PATJ: variants seen among roughly 807,000 people sequenced by gnomAD.
PATJ encodes inaD-like protein.
A neutral mutation model predicts 224.9 loss-of-function variants in PATJ; 190 were observed. That is an observed-to-expected ratio of 0.84 (90% CI 0.75 to 0.95). The LOEUF is 0.95. Among genes scored for constraint, PATJ ranks in the 40% least tolerant of loss-of-function variants. The pLI, the probability that PATJ is intolerant of heterozygous loss-of-function variation, is 0.00. For synonymous variants in PATJ, 769 were observed against 820.3 expected, an observed-to-expected ratio of 0.94 and a Z score of 1.07; for missense variants, 2,121 against 2,270.3, an observed-to-expected ratio of 0.93 and a Z score of 1.34.
chr1:61,743,966 T>C (rs748795463), intron 1 of PATJ, among the ~76,000 whole-genome samples: 11 of 152,164 alleles, frequency 7.2e-5, no homozygotes, highest in Non-Finnish European at 1.2e-4. Context: ...TTTTGCAGAC[T>C]GAAAGCCAGA....
At chr1:62,073,713 G>A (rs1331596238) in intron 31 of PATJ, among the ~76,000 whole-genome samples, 1 of 152,064 alleles carries the variant, frequency 6.6e-6, no homozygotes, top group East Asian at 1.9e-4. Context: ...TATCTAGCCA[G>A]GCACAGTGGT....
chr1:61,999,147 A>G (rs1306891870), intron 28 of PATJ, among the ~76,000 whole-genome samples: 1 of 152,096 alleles, frequency 6.6e-6, no homozygotes, highest in Non-Finnish European at 1.5e-5. Context: ...TTATGGAAGG[A>G]GTAATTTTCA....
rs956820439 is a variant in PATJ, at chr1:61,818,888, A to G, written c.1684-4057A>G. On this transcript the variant is annotated intron_variant, in intron 14 of 43. Coordinates refer to ENST00000642238, the MANE Select transcript of PATJ (RefSeq NM_001350145.3). Reference sequence around the variant, plus strand: ...CATATGAATAGATGCGGATTGGGAGAGGATTGGAACCAGTTCTTGCCTTAA... The same window carrying G: ...CATATGAATAGATGCGGATTGGGAGGGGATTGGAACCAGTTCTTGCCTTAA... 2.6e-5 allele frequency among the ~76,000 whole-genome samples: 4 copies of G among 152,044 alleles called. 1 individual carries two copies. The highest frequency in any genetic ancestry group is 2.0e-4 in the Admixed American group (3 of 15,264).
At chr1:61,869,097 A>ATTTTTTTTTTTTTTTTTTTTTT in intron 20 of PATJ, among the ~76,000 whole-genome samples, 1 of 125,514 alleles carries the variant, frequency 8.0e-6, no homozygotes, top group Non-Finnish European at 1.6e-5. Flanking sequence ...TGGAAATAAC[A>ATTTTTTTTTTTTTTTTTTTTTT]TTTTTTTTTT....
intron 41 of PATJ, among the ~76,000 whole-genome samples, chr1:62,133,745 CTTTTT>C (rs113938436): frequency 8.3e-6 from 1 of 121,194 alleles, no homozygotes; most frequent in African/African-American, 3.0e-5. Flanking sequence ...CAAGAATTTG[CTTTTT>C]TTTTTTTTTT....
At chr1:62,097,315 A>C (rs1176227455) in intron 33 of PATJ, among the ~76,000 whole-genome samples, 2 of 152,138 alleles carry the variant, frequency 1.3e-5, no homozygotes, top group Non-Finnish European at 2.9e-5. Flanking sequence ...TCAAATTTTA[A>C]AAAAAGGAAA....
chr1:61,923,568 C>T (rs1004089751), intron 26 of PATJ, among the ~76,000 whole-genome samples: 3 of 151,920 alleles, frequency 2.0e-5, no homozygotes, highest in African/African-American at 4.8e-5. Flanking sequence ...ACAAATCACC[C>T]GAAACTCATT....
intron 1 of PATJ, among the ~76,000 whole-genome samples, chr1:61,746,961 T>A (rs754368166): frequency 2.0e-5 from 3 of 152,242 alleles, no homozygotes; most frequent in Non-Finnish European, 2.9e-5. Context: ...TTCTAGTTCT[T>A]ACAATTGCAT....
chr1:62,120,835 AGC>A, intron 37 of PATJ: 1 of 211,978 alleles, frequency 4.7e-6, no homozygotes, highest in Non-Finnish European at 9.3e-6. Context: ...AGTGCCCATT[AGC>A]TGACTATATA....
Position 61,968,735 on chromosome 1 carries a change from G to A in PATJ, c.3671-21433G>A, listed in dbSNP as rs570018811. On this transcript the variant is annotated intron_variant, in intron 27 of 43. Coordinates refer to ENST00000642238, the MANE Select transcript of PATJ (RefSeq NM_001350145.3). ...TCCCACCACCCCACGACAGGCCCCC[G>A]TGTGTGATGTTCCCCACCCTGTGTC... is the stretch of plus-strand genomic sequence containing the variant. Among the ~76,000 whole-genome samples the A allele has an allele frequency of 1.6e-3, 244 of 150,942 alleles. 1 individual carries two copies. The highest frequency in any genetic ancestry group is 5.5e-3 in the African/African-American group (227 of 41,168).
At chr1:61,867,244 C>T (rs1665570417) in intron 20 of PATJ, among the ~76,000 whole-genome samples, 1 of 152,186 alleles carries the variant, frequency 6.6e-6, no homozygotes, top group Non-Finnish European at 1.5e-5. Flanking sequence ...ACCACTTACT[C>T]TATTGTTTGT....
intron 27 of PATJ, among the ~76,000 whole-genome samples, chr1:61,957,309 A>T (rs927655905): frequency 6.6e-6 from 1 of 152,220 alleles, no homozygotes; most frequent in African/African-American, 2.4e-5. Flanking sequence ...TATGGGCTGC[A>T]TGGTACAATG....
At chr1:61,890,689 A>G (rs531436421) in intron 22 of PATJ, among the ~76,000 whole-genome samples, 73 of 151,982 alleles carry the variant, frequency 4.8e-4, no homozygotes, top group African/African-American at 1.7e-3. Flanking sequence ...TAGAGATAAG[A>G]TCTCACTATG....
At chr1:61,752,515 C>T (rs929376492) in intron 1 of PATJ, among the ~76,000 whole-genome samples, 21 of 151,886 alleles carry the variant, frequency 1.4e-4, no homozygotes, top group Non-Finnish European at 2.4e-4. Context: ...GTTTTCACCA[C>T]GTTGGCCAGG....
At chr1:61,988,719 T>A (rs1644900042) in intron 27 of PATJ, among the ~76,000 whole-genome samples, 1 of 152,228 alleles carries the variant, frequency 6.6e-6, no homozygotes, top group Non-Finnish European at 1.5e-5. Flanking sequence ...TTATTATAAA[T>A]TTATGCATAA....
At chr1:61,911,713 A>ATG (rs1672679252) in intron 25 of PATJ, among the ~76,000 whole-genome samples, 2 of 144,452 alleles carry the variant, frequency 1.4e-5, no homozygotes. Flanking sequence ...ATATATATAT[A>ATG]TATATCATAT....
intron 7 of PATJ, among the ~76,000 whole-genome samples, chr1:61,786,223 T>C (rs1648487592): frequency 6.6e-6 from 1 of 152,194 alleles, no homozygotes; most frequent in Admixed American, 6.5e-5. Flanking sequence ...AGTTTCTCCA[T>C]GTTGGCCAGG....
Position 62,037,983 on chromosome 1 carries a change from G to A in PATJ, c.3966G>A (p.Glu1322=). 4 of 1,603,742 alleles carry A rather than the reference G, an allele frequency of 2.5e-6. No homozygotes were observed. The highest frequency in any genetic ancestry group is 3.4e-6 in the Non-Finnish European group (4 of 1,173,936). Residue 1322 remains glutamate, a synonymous_variant, in exon 30 of 44, where the codon GAG becomes GAA. Coordinates refer to ENST00000642238, the MANE Select transcript of PATJ (RefSeq NM_001350145.3). ...CTATTTTAACACTTCACAGAAACGA[G>A]GATGCAGTCAATCAGATGGCCGTTA... The part of the protein sequence containing the change: ...SKVKLVFIRN[E]DAVNQMAVTP...
intron 41 of PATJ, among the ~76,000 whole-genome samples, chr1:62,130,555 G>GA (rs1327146527): frequency 1.3e-5 from 2 of 151,038 alleles, no homozygotes; most frequent in Non-Finnish European, 3.0e-5. Flanking sequence ...ATAAAAATTA[G>GA]AAAAAAAGAA....
Sources: allele counts gnomAD v4.1 joint callset (sites outside exome capture counted in the v4.1 genomes callset), GRCh38; gene constraint gnomAD v4.1.1; transcripts MANE v1.5; gene names NCBI Gene and HGNC (gene_info 2026-07-23, HGNC 2026-07-21).